Variants in VRK3 observed in about 807,000 individuals in gnomAD.
VRK3 encodes the protein VRK serine/threonine kinase 3, also known as serine/threonine-protein kinase VRK3.
VRK3 carries 50 observed loss-of-function variants against 60.4 expected under a neutral mutation model. The ratio of observed to expected loss-of-function variants is 0.83; its 90% CI spans 0.66 to 1.05. The LOEUF is 1.05. Ranked by LOEUF, VRK3 falls within the 50% of genes least tolerant of loss-of-function variation. The probability of loss-of-function intolerance (pLI) is 0.00; values close to 1 mark genes in which losing one functional copy is unlikely to be tolerated. For missense variants in VRK3, 549 were observed against 585.3 expected, an observed-to-expected ratio of 0.94 and a Z score of 0.64; for synonymous variants, 246 against 227.8, an observed-to-expected ratio of 1.08 and a Z score of -0.72.
chr19:49,995,302 G>T, intron 7 of VRK3, 27 bp from the exon 8 acceptor site: 1 of 1,609,170 alleles, frequency 6.2e-7, no homozygotes, highest in Non-Finnish European at 8.5e-7. Flanking sequence ...CTTGAGGTTA[G>T]AACCCACCCA....
At chr19:49,988,847 G>A (rs1426516286) in intron 11 of VRK3, among the ~76,000 whole-genome samples, 1 of 152,162 alleles carries the variant, frequency 6.6e-6, no homozygotes, top group Non-Finnish European at 1.5e-5. Context: ...ACAGCCTAGT[G>A]GGGAGACAGC....
intron 4 of VRK3, 42 bp from the exon 5 acceptor site, chr19:50,007,868 A>G: frequency 6.2e-7 from 1 of 1,608,120 alleles, no homozygotes; most frequent in Non-Finnish European, 8.5e-7. Context: ...ACCATCCAGG[A>G]GAGAAAAGTT....
rs937967232 is a variant in VRK3 at position 49,976,728 on chromosome 19, C to A, written c.*68G>T. On this transcript the variant is annotated 3_prime_UTR_variant, in exon 15 of 15. Transcript: ENST00000316763. The stretch of plus-strand genomic sequence containing the variant: ...AGCTTATCTGTGATTAAACAGCAGG[C>A]CTTGAGTCACATTACTTCATTTTTT... 2 of 150,624 alleles carry A rather than the reference C, an allele frequency of 1.3e-5. No homozygotes were observed. The highest frequency in any genetic ancestry group is 3.0e-5 in the Non-Finnish European group (2 of 67,742). 9.3% of individuals were successfully genotyped at this position (150,624 alleles called of 1,614,324 possible).
At chr19:49,979,868 C>G (rs1057356422) in intron 13 of VRK3, among the ~76,000 whole-genome samples, 1 of 147,648 alleles carries the variant, frequency 6.8e-6, no homozygotes, top group African/African-American at 2.5e-5. Context: ...ACAGTGAAAC[C>G]CCATCTCTAC....
Position 49,988,123 on chromosome 19 carries a change from C to G in VRK3, c.1217+249G>C. 5.4e-6 allele frequency: 2 copies of G among 373,586 alleles called. 1 individual carries two copies. The highest frequency in any genetic ancestry group is 5.8e-5 in the South Asian group (2 of 34,696). 23.1% of individuals were successfully genotyped at this position (373,586 alleles called of 1,614,324 possible). A position where few individuals can be genotyped will look rare whatever the true frequency, so the allele number is the denominator to read the frequency against. On this transcript the variant is annotated intron_variant, in intron 12 of 14. Coordinates refer to ENST00000316763, the MANE Select transcript of VRK3 (RefSeq NM_016440.4). ...GGAGACCATCTCATGGAGCAGGACA[C>G]TGAGGCTCGCAGACGTTAACACCCC... is the stretch of plus-strand genomic sequence containing the variant.
At chr19:49,997,228 G>A (rs368355155) in intron 7 of VRK3, 14 of 299,412 alleles carry the variant, frequency 4.7e-5, no homozygotes, top group East Asian at 4.5e-4. Flanking sequence ...CAAGTGATCT[G>A]CCCACCTCAG....
intron 3 of VRK3, 153 bp downstream of exon 3, chr19:50,015,871 G>T: frequency 1.0e-6 from 1 of 957,268 alleles, no homozygotes; most frequent in African/African-American, 1.7e-5. Context: ...CCAAGAGACT[G>T]ATGGTAGACA....
At chr19:49,986,490 C>A (rs149422783) in intron 12 of VRK3, 1 of 153,032 alleles carries the variant, frequency 6.5e-6, no homozygotes, top group Non-Finnish European at 1.5e-5. Flanking sequence ...ACATCACTTA[C>A]GCAAATCACA....
chr19:49,998,392 CAGG>C (rs1169305954), intron 6 of VRK3: 1 of 151,098 alleles, frequency 6.6e-6, no homozygotes, highest in Non-Finnish European at 1.5e-5. Context: ...GAGGCTGAGG[CAGG>C]AGAATTGCTT....
chr19:49,977,460 G>A (rs929230168), intron 14 of VRK3, among the ~76,000 whole-genome samples: 3 of 152,144 alleles, frequency 2.0e-5, no homozygotes, highest in Non-Finnish European at 4.4e-5. Context: ...AATGCCCTTT[G>A]CCCTGGGTGA....
rs779196529 is a variant in VRK3, at chr19:50,025,249, C to G, written c.-65+18G>C. On this transcript the variant is annotated intron_variant, in intron 1 of 14. Coordinates refer to ENST00000316763, the MANE Select transcript of VRK3 (RefSeq NM_016440.4). ...GGGGGTCGGGGGACGTCCCCTCGTT[C>G]GCCTCGCTTCCCCTCACCTCTGTAC... The G allele has an allele frequency of 3.3e-5, 5 of 152,330 alleles. No individual in the cohort carries two copies. The highest frequency in any genetic ancestry group is 7.3e-5 in the Non-Finnish European group (5 of 68,102). 9.4% of individuals were successfully genotyped at this position (152,330 alleles called of 1,614,324 possible).
chr19:49,999,294 T>TC (rs1209189340), intron 6 of VRK3: 1 of 152,256 alleles, frequency 6.6e-6, no homozygotes, highest in East Asian at 1.9e-4. Flanking sequence ...CCTGGAGTCC[T>TC]CCCCACGATG....
chr19:50,016,211 G>A (rs2077075150), intron 2 of VRK3, 48 bp from the exon 3 acceptor site: 1 of 1,606,960 alleles, frequency 6.2e-7, no homozygotes, highest in South Asian at 1.1e-5. Context: ...CCAGCTGAAG[G>A]TCAGTGGAAG....
chr19:50,021,812 A>G (rs2077175110), intron 1 of VRK3, among the ~76,000 whole-genome samples: 1 of 152,230 alleles, frequency 6.6e-6, no homozygotes, highest in South Asian at 2.1e-4. Context: ...TTCTCATTTC[A>G]TGACAGTTCA....
intron 10 of VRK3, among the ~76,000 whole-genome samples, chr19:49,990,883 C>G (rs2076599268): frequency 6.6e-6 from 1 of 152,080 alleles, no homozygotes; most frequent in Admixed American, 6.6e-5. Flanking sequence ...CTCCTGGGCT[C>G]AGGTGATCCT....
chr19:49,993,048 G>C, intron 9 of VRK3, 96 bp from the exon 10 acceptor site: 1 of 1,131,976 alleles, frequency 8.8e-7, no homozygotes, highest in Non-Finnish European at 1.3e-6. Context: ...ATTAAGGCCT[G>C]GGGTTGTCCG....
At chr19:50,002,172 A>G (rs1401035473) in intron 5 of VRK3, among the ~76,000 whole-genome samples, 3 of 151,836 alleles carry the variant, frequency 2.0e-5, no homozygotes, top group African/African-American at 7.3e-5. Flanking sequence ...CTCTGTTCTC[A>G]TCGTTCCCAC....
intron 7 of VRK3, among the ~76,000 whole-genome samples, chr19:49,996,582 G>A (rs1293804036): frequency 1.3e-5 from 2 of 152,158 alleles, no homozygotes; most frequent in Admixed American, 1.3e-4. Context: ...CATTACCTTT[G>A]TTTTGAATAT....
intron 13 of VRK3, among the ~76,000 whole-genome samples, chr19:49,979,700 T>C (rs1368414072): frequency 6.6e-6 from 1 of 152,126 alleles, no homozygotes; most frequent in African/African-American, 2.4e-5. Flanking sequence ...GAGGTAGAAC[T>C]GGAGGGGAGT....
Sources: allele counts gnomAD v4.1 joint callset (sites outside exome capture counted in the v4.1 genomes callset), GRCh38; gene constraint gnomAD v4.1.1; transcripts MANE v1.5; gene names NCBI Gene and HGNC (gene_info 2026-07-23, HGNC 2026-07-21).